Variants in CLVS1 observed in about 807,000 individuals in gnomAD.
The protein encoded by CLVS1 is clavesin-1.
In CLVS1, 10 loss-of-function variants were observed where a neutral mutation model predicts 33.1. That is an observed-to-expected ratio of 0.30 (90% CI 0.19 to 0.51). The LOEUF (loss-of-function observed/expected upper bound fraction) is 0.51. Among genes scored for constraint, CLVS1 ranks in the 20% least tolerant of loss-of-function variants. The probability of loss-of-function intolerance (pLI) is 0.97; values close to 1 mark genes in which losing one functional copy is unlikely to be tolerated. For missense variants in CLVS1, 343 were observed against 433.4 expected (o/e 0.79, Z 1.85); for synonymous variants, 163 against 166.1 (o/e 0.98, Z 0.14).
intron 2 of CLVS1, among the ~76,000 whole-genome samples, chr8:61,360,048 T>C (rs1812911248): frequency 6.6e-6 from 1 of 151,838 alleles, no homozygotes; most frequent in Non-Finnish European, 1.5e-5. Flanking sequence ...AGAGCCATTG[T>C]AGGCAGGCCC....
At chr8:61,406,362 C>G (rs1048166109) in intron 3 of CLVS1, among the ~76,000 whole-genome samples, 3 of 152,170 alleles carry the variant, frequency 2.0e-5, no homozygotes, top group African/African-American at 7.2e-5. Context: ...AAAATAAGTT[C>G]ATGACCCATT....
In CLVS1 at chr8:61,366,161, C is replaced by T. The variant is rs141076889; in HGVS notation, c.456-10444C>T. ...TTTTAATTTCTTCTGCTTTCTTCTG[C>T]TGCTGCTCTCTATGGGCCCTGGTGC... On this transcript the variant is annotated intron_variant, in intron 2 of 5. Transcript: ENST00000325897. Among the ~76,000 whole-genome samples the T allele has an allele frequency of 3.1e-3, 473 of 152,252 alleles. 3 individuals are homozygous for T. The highest frequency in any genetic ancestry group is 0.011 in the African/African-American group (458 of 41,552).
chr8:61,274,984 T>C (rs1206909459), intron 2 of CLVS1, among the ~76,000 whole-genome samples: 1 of 152,136 alleles, frequency 6.6e-6, no homozygotes, highest in Non-Finnish European at 1.5e-5. Flanking sequence ...ATGAAGTTTT[T>C]AAAGGTGCCC....
chr8:61,300,717 C>T (rs778103902), intron 2 of CLVS1: 1 of 156,468 alleles, frequency 6.4e-6, no homozygotes, highest in Non-Finnish European at 1.4e-5. Context: ...GAGTGCCAGA[C>T]ATTTCTATCC....
At chr8:61,410,204 G>T (rs1160177897) in intron 3 of CLVS1, among the ~76,000 whole-genome samples, 1 of 149,804 alleles carries the variant, frequency 6.7e-6, no homozygotes. Context: ...TTATCCATTT[G>T]CAGTTTATCA....
the CLVS1 span, among the ~76,000 whole-genome samples, chr8:60,988,234 G>A: frequency 2.8e-3 from 427 of 152,246 alleles, 3 homozygotes; most frequent in Non-Finnish European, 3.4e-3. Flanking sequence ...TAGAGACTGG[G>A]GGGTGCAGAG....
At chr8:61,454,346 T>C in intron 4 of CLVS1, 95 bp downstream of exon 4, 1 of 899,928 alleles carries the variant, frequency 1.1e-6, no homozygotes. Context: ...CCTTTTTCTC[T>C]CTTTCTCTCT....
the CLVS1 span, chr8:60,967,602 G>A: frequency 2.2e-6 from 1 of 455,702 alleles, no homozygotes; most frequent in Non-Finnish European, 4.4e-6. Flanking sequence ...TCAGCTTCTG[G>A]GAACCATGTG....
chr8:61,395,476 A>G (rs989105690), intron 3 of CLVS1, among the ~76,000 whole-genome samples: 1 of 152,250 alleles, frequency 6.6e-6, no homozygotes, highest in Admixed American at 6.5e-5. Flanking sequence ...ACACACACAC[A>G]AAAATGATAA....
At chr8:61,332,512 C>T (rs28716933) in intron 2 of CLVS1, among the ~76,000 whole-genome samples, 5,024 of 152,190 alleles carry the variant, frequency 0.033, 261 homozygotes, top group African/African-American at 0.11. Context: ...TGCCAACTTC[C>T]GAAATTTGTT....
intron 2 of CLVS1, among the ~76,000 whole-genome samples, chr8:61,172,516 TAATA>T (rs1451926627): frequency 7.7e-4 from 117 of 152,238 alleles, no homozygotes; most frequent in Non-Finnish European, 1.0e-4. Context: ...AAAAATAAAA[TAATA>T]AATAACATGA....
intron 2 of CLVS1, among the ~76,000 whole-genome samples, chr8:61,144,816 G>A (rs551508720): frequency 6.6e-6 from 1 of 152,218 alleles, no homozygotes; most frequent in East Asian, 1.9e-4. Flanking sequence ...ATAATCCTCC[G>A]CTTCCTGGGT....
intron 5 of CLVS1, 26 bp downstream of exon 5, chr8:61,458,568 C>A (rs775691805): frequency 6.1e-5 from 90 of 1,473,960 alleles, no homozygotes; most frequent in East Asian, 9.3e-5. Flanking sequence ...TCAGAGCCCC[C>A]CCCCCAGTCA....
intron 2 of CLVS1, among the ~76,000 whole-genome samples, chr8:61,320,846 C>G (rs1811170126): frequency 6.6e-6 from 1 of 152,154 alleles, no homozygotes; most frequent in Non-Finnish European, 1.5e-5. Context: ...GGTTGGGGAA[C>G]ACAAACCTCA....
chr8:61,121,392 C>G (rs1279560098), intron 1 of CLVS1, among the ~76,000 whole-genome samples: 1 of 152,152 alleles, frequency 6.6e-6, no homozygotes, highest in Non-Finnish European at 1.5e-5. Context: ...CATCTTGGCT[C>G]CTTATTCACC....
In CLVS1 at chr8:61,166,123, ATTTAT is replaced by A. The variant is rs559800856; in HGVS notation, c.-152+34272_-152+34276del. Reference sequence around the variant, plus strand: ...TTATAGGCCTTGCTTAAAAGCCCTTATTTATTTTATTTTTTTTTTTTTGAGACAGA... The same window carrying A: ...TTATAGGCCTTGCTTAAAAGCCCTTATTTATTTTTTTTTTTTTGAGACAGA... On this transcript the variant is annotated intron_variant, in intron 2 of 2. Coordinates refer to the CLVS1 transcript ENST00000522621. Among the ~76,000 whole-genome samples the A allele has an allele frequency of 7.6e-3, 928 of 122,088 alleles. 4 individuals carry two copies. The highest frequency in any genetic ancestry group is 0.013 in the Non-Finnish European group (803 of 59,964). The allele number at this position is 122,088 out of a possible 152,430, so 80.1% of individuals were successfully genotyped here. A position where few individuals can be genotyped will look rare whatever the true frequency, so the allele number is the denominator to read the frequency against.
rs1166606940 is a variant in CLVS1, at chr8:61,149,551, C to CAAAA, written c.-152+17705_-152+17708dup. Among the ~76,000 whole-genome samples, 28 of 51,988 alleles carry CAAAA rather than the reference C, an allele frequency of 5.4e-4. 1 individual carries two copies. The highest frequency in any genetic ancestry group is 6.8e-4 in the African/African-American group (11 of 16,140). The allele number at this position is 51,988 out of a possible 152,430, so 34.1% of individuals were successfully genotyped here. ...TAGGCGACAGAACGAGACTCTGTCT[C>CAAAA]AAAAAAAAAAAAAAAAACAAAAAAC... On this transcript the variant is annotated intron_variant, in intron 2 of 2. Coordinates refer to the CLVS1 transcript ENST00000522621.
chr8:61,470,595 C>G (rs545748204), intron 5 of CLVS1, among the ~76,000 whole-genome samples: 2 of 152,336 alleles, frequency 1.3e-5, no homozygotes, highest in Admixed American at 6.5e-5. Context: ...GGTAGACAAC[C>G]ATTCTGCCCA....
chr8:61,016,687 T>C, the CLVS1 span, among the ~76,000 whole-genome samples: 2 of 152,246 alleles, frequency 1.3e-5, no homozygotes, highest in South Asian at 4.2e-4. Flanking sequence ...GGAAGCTGCG[T>C]AAATGTGTGT....
Sources: allele counts gnomAD v4.1 joint callset (sites outside exome capture counted in the v4.1 genomes callset), GRCh38; gene constraint gnomAD v4.1.1; transcripts MANE v1.5; gene names NCBI Gene and HGNC (gene_info 2026-07-23, HGNC 2026-07-21).